Variants in NT5C3A observed in about 807,000 individuals in gnomAD.
NT5C3A encodes 5'-nucleotidase, cytosolic IIIA.
Under a neutral mutation model 40.0 loss-of-function variants are expected in NT5C3A, and 23 were observed. That is an observed-to-expected ratio of 0.58 (90% CI 0.41 to 0.81). The LOEUF is 0.81. Ranked by LOEUF, NT5C3A falls within the 40% of genes least tolerant of loss-of-function variation. The pLI, the probability that NT5C3A is intolerant of heterozygous loss-of-function variation, is 0.00. For synonymous variants in NT5C3A, 130 were observed against 141.4 expected, an observed-to-expected ratio of 0.92 and a Z score of 0.57; for missense variants, 328 against 403.0, an observed-to-expected ratio of 0.81 and a Z score of 1.59.
intron 1 of NT5C3A, among the ~76,000 whole-genome samples, chr7:33,049,772 A>G (rs1489310278): frequency 6.6e-6 from 1 of 151,976 alleles, no homozygotes; most frequent in African/African-American, 2.4e-5. Context: ...GATCGAGACC[A>G]TCCTGGCTAA....
chr7:33,060,854 T>A (rs1180955836), intron 1 of NT5C3A, among the ~76,000 whole-genome samples: 1 of 152,132 alleles, frequency 6.6e-6, no homozygotes, highest in Non-Finnish European at 1.5e-5. Context: ...CTATTAAAAT[T>A]AAAAAAGTTA....
intron 6 of NT5C3A, among the ~76,000 whole-genome samples, chr7:33,018,479 ATAACATCATCATAAAAAAG>A (rs1785457155): frequency 2.0e-5 from 3 of 152,256 alleles, no homozygotes; most frequent in Admixed American, 2.0e-4. Flanking sequence ...ACCTTAAAAT[ATAACATCATCATAAAAAAG>A]TAACATCATC....
At chr7:33,043,273 G>A (rs1219483115) in intron 1 of NT5C3A, among the ~76,000 whole-genome samples, 1 of 152,144 alleles carries the variant, frequency 6.6e-6, no homozygotes, top group East Asian at 1.9e-4. Context: ...TCCAATTTGA[G>A]AAGGAAAAAT....
chr7:33,036,571 T>C (rs17471162), intron 1 of NT5C3A, among the ~76,000 whole-genome samples: 4,314 of 152,222 alleles, frequency 0.028, 90 homozygotes, highest in South Asian at 0.12. Context: ...TATATGGTAT[T>C]AAGAAAATTG....
chr7:33,061,447 G>A (rs561127742), intron 1 of NT5C3A, among the ~76,000 whole-genome samples: 1 of 152,114 alleles, frequency 6.6e-6, no homozygotes, highest in African/African-American at 2.4e-5. Context: ...GAGTGCAGTA[G>A]CTATCCACAG....
intron 8 of NT5C3A, 147 bp downstream of exon 8, chr7:33,015,523 A>G: frequency 1.6e-6 from 1 of 619,744 alleles, no homozygotes; most frequent in East Asian, 2.8e-5. Flanking sequence ...TGATTGCATC[A>G]CTACACTCTA....
rs772050571 is a variant in NT5C3A at position 33,017,515 on chromosome 7, T to C, written c.617A>G (p.Glu206Gly). 1 of 1,613,668 alleles carries C rather than the reference T, an allele frequency of 6.2e-7. No individual in the cohort carries two copies. Among genetic ancestry groups the C allele is most frequent in the Non-Finnish European group, 8.5e-7 (1 of 1,179,546 alleles). Residue 206 changes from glutamate (E) to glycine (G), a missense_variant, in exon 7 of 9, where the codon GAG becomes GGG. Around this residue, in one of 3 missense-constraint regions of NT5C3A, gnomAD observed 280 missense variants for 317.2 expected, o/e 0.88. Coordinates refer to ENST00000610140, the MANE Select transcript of NT5C3A (RefSeq NM_001002010.5). ...IFSAGIGDVL[E>G]EVIRQAGVYH... is the part of the protein sequence containing the mutation. Reference sequence around the variant, plus strand: ...AACACCAGCTTGACGAATAACTTCCTCTAGTACATCGCCGATTCCAGCCGA... The same window carrying C: ...AACACCAGCTTGACGAATAACTTCCCCTAGTACATCGCCGATTCCAGCCGA...
chr7:33,033,056 T>A (rs940308174), intron 1 of NT5C3A, among the ~76,000 whole-genome samples: 1 of 152,204 alleles, frequency 6.6e-6, no homozygotes, highest in African/African-American at 2.4e-5. Flanking sequence ...CCAGCCTCAG[T>A]GAATTTTAAA....
chr7:33,025,953 AG>A (rs2127998719), intron 2 of NT5C3A, among the ~76,000 whole-genome samples: 1 of 152,302 alleles, frequency 6.6e-6, no homozygotes, highest in South Asian at 2.1e-4. Flanking sequence ...TGGGAGGCCG[AG>A]GTGGATGGAT....
intron 1 of NT5C3A, among the ~76,000 whole-genome samples, chr7:33,045,371 A>G (rs1787100922): frequency 6.6e-6 from 1 of 152,270 alleles, no homozygotes; most frequent in South Asian, 2.1e-4. Flanking sequence ...ATAAATGTTT[A>G]TATGAATACG....
At chr7:33,055,952 AACAAAAAATTAGCC>A (rs1318069559) in intron 1 of NT5C3A, among the ~76,000 whole-genome samples, 2 of 152,032 alleles carry the variant, frequency 1.3e-5, no homozygotes, top group Non-Finnish European at 2.9e-5. Context: ...CTCTACAGAA[AACAAAAAATTAGCC>A]AGGCATAATG....
chr7:33,026,353 G>GAAAAAAAAAA lies in NT5C3A; in HGVS notation c.237+454_237+463dup, dbSNP rs1226260693. 2.1e-3 allele frequency among the ~76,000 whole-genome samples: 198 copies of GAAAAAAAAAA among 94,146 alleles called. 2 individuals carry two copies. Among genetic ancestry groups the GAAAAAAAAAA allele is most frequent in the South Asian group, 2.6e-3 (6 of 2,294 alleles). 61.8% of individuals were successfully genotyped at this position (94,146 alleles called of 152,430 possible). A position where few individuals can be genotyped will look rare whatever the true frequency, so the allele number is the denominator to read the frequency against. On this transcript the variant is annotated intron_variant, in intron 2 of 8. Transcript: ENST00000610140. ...AACAGAGCGAGACTCCATCTCAAAA[G>GAAAAAAAAAA]AAAAAAAAAAAAAAAAAAAAGAAGC... is the stretch of plus-strand genomic sequence containing the variant.
rs72555707 is a variant in NT5C3A, at chr7:33,062,615, A to G, written c.91T>C (p.Phe31Leu). ...CGCCCCGTCTTCCTCTTCAAGGTGA[A>G]TATGTACTGAGCCAGCACCACCCCC... is the stretch of plus-strand genomic sequence containing the variant. ...VAGVVLAQYI[F>L]TLKRKTGRKT... Residue 31 changes from phenylalanine to leucine, a missense_variant, in exon 1 of 9, where the codon TTC becomes CTC. Phe to Leu is a conservative substitution (Grantham distance 22). Coordinates refer to ENST00000610140, the MANE Select transcript of NT5C3A (RefSeq NM_001002010.5). The G allele has an allele frequency of 0.019, 31,260 of 1,608,756 alleles. 391 individuals carry two copies. The highest frequency in any genetic ancestry group is 0.022 in the Non-Finnish European group (26,467 of 1,178,346).
intron 5 of NT5C3A, among the ~76,000 whole-genome samples, chr7:33,020,652 A>C (rs1431657120): frequency 6.6e-6 from 1 of 152,208 alleles, no homozygotes; most frequent in Non-Finnish European, 1.5e-5. Context: ...ATTTTAAAAC[A>C]AGTTGTTCCT....
At position 33,060,369 on chromosome 7, in the gene NT5C3A, CTTTTTTTTTTTTTTTTTT is replaced by C. The variant is rs3082829; in HGVS notation, c.138+2181_138+2198del. On this transcript the variant is annotated intron_variant, in intron 1 of 8. Coordinates refer to ENST00000610140, the MANE Select transcript of NT5C3A (RefSeq NM_001002010.5). ...TCCCATTCCGTATCTTGCTTTCCTT[CTTTTTTTTTTTTTTTTTT>C]TTTTTTTTGAGACAGGGTTCTCCCA... Among the ~76,000 whole-genome samples the C allele has an allele frequency of 4.1e-3, 325 of 78,510 alleles. 2 individuals carry two copies. The highest frequency in any genetic ancestry group is 0.017 in the African/African-American group (310 of 18,188). 51.5% of individuals were successfully genotyped at this position (78,510 alleles called of 152,430 possible). A position where few individuals can be genotyped will look rare whatever the true frequency, so the allele number is the denominator to read the frequency against.
At chr7:33,053,564 G>GT (rs570010647) in intron 1 of NT5C3A, among the ~76,000 whole-genome samples, 131 of 12,384 alleles carry the variant, frequency 0.011, no homozygotes, top group African/African-American at 0.054. Flanking sequence ...GGGAGGCTGA[G>GT]GGGGGAAGAC....
At chr7:33,033,213 A>G (rs1786380574) in intron 1 of NT5C3A, among the ~76,000 whole-genome samples, 1 of 152,222 alleles carries the variant, frequency 6.6e-6, no homozygotes, top group African/African-American at 2.4e-5. Flanking sequence ...AAAAGACTTC[A>G]TTACTGCAGT....
intron 1 of NT5C3A, among the ~76,000 whole-genome samples, chr7:33,051,482 A>C (rs1787368638): frequency 6.6e-6 from 1 of 152,046 alleles, no homozygotes; most frequent in Non-Finnish European, 1.5e-5. Flanking sequence ...TTTTTAAAGC[A>C]AACAAAAGAG....
intron 6 of NT5C3A, 123 bp downstream of exon 6, chr7:33,019,512 A>G (rs1339059429): frequency 4.3e-6 from 3 of 702,934 alleles, no homozygotes; most frequent in African/African-American, 3.5e-5. Context: ...GATAGGTGGC[A>G]TATTTTGGAT....
Sources: allele counts gnomAD v4.1 joint callset (sites outside exome capture counted in the v4.1 genomes callset), GRCh38; gene constraint gnomAD v4.1.1; regional missense constraint gnomAD v4.1.1; transcripts MANE v1.5; gene names NCBI Gene and HGNC (gene_info 2026-07-23, HGNC 2026-07-21).